The following VAV2 variants were observed in gnomAD, a reference collection of about 807,000 sequenced individuals.
VAV2 encodes the protein vav guanine nucleotide exchange factor 2.
Under a neutral mutation model 132.5 loss-of-function variants are expected in VAV2, and 67 were observed. That is an observed-to-expected ratio of 0.51 (90% CI 0.42 to 0.62). The LOEUF (loss-of-function observed/expected upper bound fraction) is 0.62. Among genes scored for constraint, VAV2 ranks in the 20% least tolerant of loss-of-function variants. VAV2 has a pLI of 0.00. For missense variants in VAV2, 938 were observed against 1,153.6 expected (o/e 0.81, Z 2.71); for synonymous variants, 492 against 443.5 (o/e 1.11, Z -1.37).
chr9:133,770,284 C>T, intron 27 of VAV2, 94 bp downstream of exon 27: 2 of 1,571,728 alleles, frequency 1.3e-6, no homozygotes, highest in Non-Finnish European at 1.7e-6. Flanking sequence ...GACTCCTGGT[C>T]TGGGTCTGTG....
chr9:133,785,372 C>G (rs1269064536), intron 17 of VAV2, among the ~76,000 whole-genome samples: 1 of 152,182 alleles, frequency 6.6e-6, no homozygotes, highest in Non-Finnish European at 1.5e-5. Context: ...TCTGTGGCTT[C>G]AAAAACAGGT....
In VAV2 at chr9:133,863,779, C is replaced by T. The variant is rs567796178; in HGVS notation, c.322-2347G>A. ...TGGGGGGAAGCTCAGAAGTCCACCACGGGGAACCACACTCCAGTGACCCAA... is the reference window on the plus strand; with the variant it reads ...TGGGGGGAAGCTCAGAAGTCCACCATGGGGAACCACACTCCAGTGACCCAA... On this transcript the variant is annotated intron_variant, in intron 2 of 29. Transcript: ENST00000371850. The surrounding 1 kb of genome is among the most constrained non-coding windows in gnomAD (Gnocchi z 5.0). 4.6e-4 allele frequency among the ~76,000 whole-genome samples: 70 copies of T among 152,308 alleles called. No homozygotes were observed. The highest frequency in any genetic ancestry group is 3.4e-3 in the Middle Eastern group (1 of 294).
intron 2 of VAV2, among the ~76,000 whole-genome samples, chr9:133,938,709 G>T (rs1841018615): frequency 1.3e-5 from 2 of 152,088 alleles, no homozygotes; most frequent in Non-Finnish European, 2.9e-5. Context: ...AGCCCCTTAG[G>T]AGGTGGTACT....
rs142082165 is a variant in VAV2, at chr9:133,783,549, G to A, written c.1677C>T (p.Val559=). The A allele has an allele frequency of 3.2e-4, 517 of 1,613,938 alleles. 1 individual carries two copies. The highest frequency in any genetic ancestry group is 7.5e-4 in the Admixed American group (45 of 60,014). ...YQGYMCTKCG[V]GAHKECLEVI... is the part of the protein sequence containing the mutation. ...CTTCCAGGCACTCCTTGTGTGCCCCGACGCCACACTTGGTACACATGTATC... is the reference window on the plus strand; with the variant it reads ...CTTCCAGGCACTCCTTGTGTGCCCCAACGCCACACTTGGTACACATGTATC... Residue 559 remains valine (V), a synonymous_variant, in exon 19 of 30, where the codon GTC becomes GTT. Transcript: ENST00000371850.
At chr9:133,904,366 T>C (rs780892924) in intron 2 of VAV2, among the ~76,000 whole-genome samples, 3 of 152,220 alleles carry the variant, frequency 2.0e-5, no homozygotes, top group East Asian at 1.9e-4. Flanking sequence ...GCATCTAATA[T>C]ACCAATAAAA....
At chr9:133,775,882 G>A in intron 24 of VAV2, 146 bp downstream of exon 24, 2 of 1,081,258 alleles carry the variant, frequency 1.8e-6, no homozygotes, top group Non-Finnish European at 2.5e-6. Flanking sequence ...GGGAGCCACT[G>A]GGCTCAGTGC....
rs57485241 is a variant in VAV2 at position 133,958,916 on chromosome 9, G to C, written c.205-19697C>G. On this transcript the variant is annotated intron_variant, in intron 1 of 29. Transcript: ENST00000371850. ...CAGGAAGAGACAGTCACAACCCGAG[G>C]TTCCCAGGCCAGGCCTGCGAGGTGC... Among the ~76,000 whole-genome samples the C allele has an allele frequency of 6.1e-3, 928 of 152,322 alleles. 13 individuals are homozygous for C. Among genetic ancestry groups the C allele is most frequent in the African/African-American group, 0.021 (888 of 41,564 alleles).
At chr9:133,805,517 G>A (rs545109153) in intron 9 of VAV2, among the ~76,000 whole-genome samples, 111 of 151,424 alleles carry the variant, frequency 7.3e-4, no homozygotes, top group African/African-American at 2.5e-3. Flanking sequence ...CCCAGCCTCC[G>A]ACAGCCTGGG....
intron 3 of VAV2, among the ~76,000 whole-genome samples, chr9:133,859,389 G>T (rs961323842): frequency 2.6e-5 from 4 of 152,190 alleles, no homozygotes; most frequent in Non-Finnish European, 1.5e-5. Flanking sequence ...CAGGAGAGGG[G>T]ATAGGGCTGT....
At chr9:133,836,644 G>A (rs1836483987) in intron 3 of VAV2, among the ~76,000 whole-genome samples, 1 of 152,210 alleles carries the variant, frequency 6.6e-6, no homozygotes, top group Admixed American at 6.5e-5. Context: ...AAACTCCTGA[G>A]GTTGTGATCT....
intron 1 of VAV2, among the ~76,000 whole-genome samples, chr9:133,972,358 G>A (rs927726421): frequency 5.3e-5 from 8 of 152,252 alleles, no homozygotes; most frequent in Non-Finnish European, 1.2e-4. Context: ...CAGGCTTGCA[G>A]CCCAGGCGCT....
chr9:133,847,541 C>T (rs1020828156), intron 3 of VAV2, among the ~76,000 whole-genome samples: 1 of 152,168 alleles, frequency 6.6e-6, no homozygotes, highest in Non-Finnish European at 1.5e-5. Flanking sequence ...AAGAACCGAA[C>T]GGGAAGAGCC....
intron 2 of VAV2, among the ~76,000 whole-genome samples, chr9:133,909,191 G>A (rs374525518): frequency 1.8e-4 from 27 of 152,198 alleles, no homozygotes; most frequent in African/African-American, 5.1e-4. Flanking sequence ...ACTGTCTCCC[G>A]GTGGAGACAA....
chr9:133,951,396 G>A (rs946612238), intron 1 of VAV2, among the ~76,000 whole-genome samples: 29 of 152,286 alleles, frequency 1.9e-4, no homozygotes, highest in African/African-American at 6.3e-4. Context: ...CCTCATGCCC[G>A]CCATGTCCCC....
At chr9:133,893,734 G>A (rs987549752) in intron 2 of VAV2, among the ~76,000 whole-genome samples, 5 of 152,160 alleles carry the variant, frequency 3.3e-5, no homozygotes, top group Non-Finnish European at 7.3e-5. Context: ...GGAGGGTGGC[G>A]GGACGGTGAT....
rs903175336 is a variant in VAV2 at position 133,935,594 on chromosome 9, G to A, written c.321+3509C>T. On this transcript the variant is annotated intron_variant, in intron 2 of 29. Coordinates refer to ENST00000371850, the MANE Select transcript of VAV2 (RefSeq NM_001134398.2). This position sits in a 1 kb window ranked among gnomAD's most constrained non-coding sequence, Gnocchi z 5.2. ...GGAGCTGGGCTTTTGCTTGTGTTTT[G>A]TTTTTCCAGAACACCTGTCCCGGAG... Among the ~76,000 whole-genome samples the A allele has an allele frequency of 2.0e-5, 3 of 152,234 alleles. No homozygotes were observed. The highest frequency in any genetic ancestry group is 4.4e-5 in the Non-Finnish European group (3 of 68,046).
rs1265812659 is a variant in VAV2 at position 133,771,852 on chromosome 9, G to A, written c.2223+107C>T. On this transcript the variant is annotated intron_variant, in intron 26 of 29. Coordinates refer to ENST00000371850, the MANE Select transcript of VAV2 (RefSeq NM_001134398.2). ...AATTCCCTAAATCTTGGCCACACTG[G>A]GAAGAATCAATCCTCACAGAAAACA... The A allele has an allele frequency of 6.5e-6, 7 of 1,070,364 alleles. No homozygotes were observed. The African/African-American group carries it at 1.1e-4, about 17-fold the overall frequency. 66.3% of individuals were successfully genotyped at this position (1,070,364 alleles called of 1,614,324 possible). A position where few individuals can be genotyped will look rare whatever the true frequency, so the allele number is the denominator to read the frequency against.
chr9:133,810,005 G>T (rs183076678), intron 6 of VAV2, among the ~76,000 whole-genome samples, 186 bp downstream of exon 6: 18 of 152,352 alleles, frequency 1.2e-4, no homozygotes, highest in South Asian at 8.3e-4. Flanking sequence ...CAACGTGCAA[G>T]ATGGGGCTGT....
At chr9:133,985,857 T>C (rs1487308139) in intron 1 of VAV2, among the ~76,000 whole-genome samples, 3 of 151,922 alleles carry the variant, frequency 2.0e-5, no homozygotes, top group African/African-American at 7.3e-5. Context: ...TCAATATAAA[T>C]AATGATGGTA....
Sources: allele counts gnomAD v4.1 joint callset (sites outside exome capture counted in the v4.1 genomes callset), GRCh38; gene constraint gnomAD v4.1.1; non-coding constraint Gnocchi (gnomAD v3.1); transcripts MANE v1.5; gene names NCBI Gene and HGNC (gene_info 2026-07-23, HGNC 2026-07-21).